The following SLC4A4 variants were observed in gnomAD, a reference collection of about 807,000 sequenced individuals.
The protein encoded by SLC4A4 is electrogenic sodium bicarbonate cotransporter 1.
A neutral mutation model predicts 111.5 loss-of-function variants in SLC4A4; 27 were observed. The observed-to-expected ratio is 0.24, with a 90% CI of 0.18 to 0.33. The LOEUF (loss-of-function observed/expected upper bound fraction) is 0.33, where lower values mean the gene tolerates loss of function less well. SLC4A4 is among the 10% of genes least tolerant of loss of function. The pLI is 1.00. For synonymous variants in SLC4A4, 443 were observed against 463.4 expected, an observed-to-expected ratio of 0.96 and a Z score of 0.57; for missense variants, 909 against 1,315.5, an observed-to-expected ratio of 0.69 and a Z score of 4.78.
rs139989888 is a variant in SLC4A4 at position 71,411,199 on chromosome 4, T to C, written c.807+13546T>C. Among the ~76,000 whole-genome samples, 351 of 152,286 alleles carry C rather than the reference T, an allele frequency of 2.3e-3. 1 individual carries two copies. The highest frequency in any genetic ancestry group is 8.1e-3 in the African/African-American group (337 of 41,548). On this transcript the variant is annotated intron_variant, in intron 7 of 25. Transcript: ENST00000264485. ...CCGTCCTGACTTTACTACAACCATA[T>C]GGTATTCTTCCAGTTTCACTAACAT...
chr4:71,330,780 C>T (rs971912386), intron 3 of SLC4A4, among the ~76,000 whole-genome samples: 27 of 151,966 alleles, frequency 1.8e-4, no homozygotes, highest in African/African-American at 6.0e-4. Context: ...AAGAAACTAC[C>T]ATCAGAGTGA....
At chr4:71,414,047 G>T (rs181568216) in intron 7 of SLC4A4, among the ~76,000 whole-genome samples, 1 of 152,182 alleles carries the variant, frequency 6.6e-6, no homozygotes, top group Non-Finnish European at 1.5e-5. Flanking sequence ...TAATGCAGTG[G>T]TTCTTAAGCT....
intron 3 of SLC4A4, among the ~76,000 whole-genome samples, chr4:71,308,964 A>T (rs1725917924): frequency 6.6e-6 from 1 of 152,192 alleles, no homozygotes; most frequent in Non-Finnish European, 1.5e-5. Context: ...GAGCCCAGCA[A>T]GCTAAGAACC....
chr4:71,536,652 A>T (rs1734530849), intron 18 of SLC4A4, among the ~76,000 whole-genome samples: 1 of 150,374 alleles, frequency 6.7e-6, no homozygotes, highest in South Asian at 2.1e-4. Flanking sequence ...GCATGCCACC[A>T]TGCCAGCTAA....
chr4:71,519,507 A>G (rs1732731804), intron 16 of SLC4A4, among the ~76,000 whole-genome samples: 2 of 152,212 alleles, frequency 1.3e-5, no homozygotes, highest in African/African-American at 4.8e-5. Flanking sequence ...AGTATGTGTG[A>G]TTTCTAAAGG....
chr4:71,387,997 G>C (rs1263441711), intron 6 of SLC4A4, among the ~76,000 whole-genome samples: 5 of 152,140 alleles, frequency 3.3e-5, no homozygotes, highest in African/African-American at 7.2e-5. Context: ...CCTTGGCTTA[G>C]GGACATTTAC....
At chr4:71,435,223 G>A (rs1724014004) in intron 7 of SLC4A4, among the ~76,000 whole-genome samples, 1 of 152,126 alleles carries the variant, frequency 6.6e-6, no homozygotes, top group African/African-American at 2.4e-5. Flanking sequence ...ATAGAACAAT[G>A]AAACAGAACA....
intron 2 of SLC4A4, among the ~76,000 whole-genome samples, chr4:71,132,254 C>T (rs1237011853): frequency 6.6e-6 from 1 of 151,972 alleles, no homozygotes; most frequent in Non-Finnish European, 1.5e-5. Flanking sequence ...ATGAAAAGCA[C>T]TATAGAAATG....
At chr4:71,271,044 G>A (rs577843924) in intron 3 of SLC4A4, among the ~76,000 whole-genome samples, 1 of 152,118 alleles carries the variant, frequency 6.6e-6, no homozygotes. Flanking sequence ...TGCTGTGGGT[G>A]CCCACCACTA....
chr4:71,559,364 C>T lies in SLC4A4; in HGVS notation c.2938-729C>T, dbSNP rs72854439. Reference sequence around the variant, plus strand: ...TTGTTTTGGAAGCAGACAACTGGGACCCTTTGTATTATTCAGTTATCTGGG... The same window carrying T: ...TTGTTTTGGAAGCAGACAACTGGGATCCTTTGTATTATTCAGTTATCTGGG... On this transcript the variant is annotated intron_variant, in intron 22 of 25. Coordinates refer to ENST00000264485, the MANE Select transcript of SLC4A4 (RefSeq NM_001098484.3). Among the ~76,000 whole-genome samples the T allele has an allele frequency of 4.9e-3, 742 of 151,872 alleles. 10 individuals carry two copies. Among genetic ancestry groups the T allele is most frequent in the African/African-American group, 0.017 (700 of 41,502 alleles).
At chr4:71,350,185 A>G in intron 5 of SLC4A4, 113 bp downstream of exon 5, 4 of 1,086,822 alleles carry the variant, frequency 3.7e-6, no homozygotes, top group Non-Finnish European at 5.5e-6. Flanking sequence ...TATAACATTT[A>G]TTCTCTCTTT....
chr4:71,555,279 T>C lies in SLC4A4; in HGVS notation c.2763+71T>C. The C allele has an allele frequency of 2.9e-6, 3 of 1,034,686 alleles. No homozygotes were observed. The East Asian group carries it at 7.1e-5, about 25-fold the overall frequency. 64.1% of individuals were successfully genotyped at this position (1,034,686 alleles called of 1,614,324 possible). On this transcript the variant is annotated intron_variant, in intron 21 of 25. Transcript: ENST00000264485. Reference sequence around the variant, plus strand: ...AGTAAGAATAGTCCAGTAACAGATCTTTGAAGAAAAGTGCTAATCATTATT... The same window carrying C: ...AGTAAGAATAGTCCAGTAACAGATCCTTGAAGAAAAGTGCTAATCATTATT...
intron 2 of SLC4A4, among the ~76,000 whole-genome samples, chr4:71,164,129 C>G (rs965030825): frequency 7.2e-5 from 11 of 152,110 alleles, no homozygotes; most frequent in African/African-American, 2.7e-4. Flanking sequence ...ACCTATAATC[C>G]CAGCATTTTG....
chr4:71,396,641 T>C (rs536041725), intron 6 of SLC4A4, among the ~76,000 whole-genome samples: 4 of 152,224 alleles, frequency 2.6e-5, no homozygotes, highest in African/African-American at 9.6e-5. Flanking sequence ...GTTAGGTTTT[T>C]TTTTGCTTAG....
intron 3 of SLC4A4, among the ~76,000 whole-genome samples, chr4:71,270,983 T>C (rs1246349708): frequency 2.0e-5 from 3 of 152,200 alleles, no homozygotes; most frequent in Non-Finnish European, 2.9e-5. Flanking sequence ...CCTCTTCTCT[T>C]CCAGGGATCC....
chr4:71,487,060 A>G (rs998690671), intron 15 of SLC4A4, 42 bp downstream of exon 15: 5 of 1,143,246 alleles, frequency 4.4e-6, no homozygotes, highest in African/African-American at 3.1e-5. Context: ...TACTGACTGC[A>G]TATTGTATAC....
At chr4:71,423,369 C>A (rs1225794156) in intron 7 of SLC4A4, among the ~76,000 whole-genome samples, 2 of 152,142 alleles carry the variant, frequency 1.3e-5, no homozygotes, top group Non-Finnish European at 2.9e-5. Context: ...ACATTCCATG[C>A]TCATGGGTAG....
At chr4:71,410,438 A>C (rs1041357879) in intron 7 of SLC4A4, among the ~76,000 whole-genome samples, 1 of 152,042 alleles carries the variant, frequency 6.6e-6, no homozygotes, top group African/African-American at 2.4e-5. Context: ...TGACACCCCC[A>C]CTGGATTTTG....
chr4:71,069,846 T>C (rs923468848), intron 1 of SLC4A4, among the ~76,000 whole-genome samples: 6 of 152,206 alleles, frequency 3.9e-5, no homozygotes, highest in African/African-American at 1.4e-4. Flanking sequence ...CTTCTCTTTT[T>C]CTAAAAGTAC....
Sources: gnomAD v4.1 joint callset for allele counts (sites outside exome capture counted in the v4.1 genomes callset) on GRCh38, gnomAD v4.1.1 for gene constraint, MANE v1.5 for transcripts, NCBI Gene and HGNC (gene_info 2026-07-23, HGNC 2026-07-21) for gene names.